AR: variants seen among roughly 807,000 people sequenced by gnomAD.
AR encodes the protein androgen receptor, also known as dihydrotestosterone receptor.
AR carries 8 observed loss-of-function variants against 53.9 expected under a neutral mutation model. The ratio of observed to expected loss-of-function variants is 0.15; its 90% confidence interval spans 0.09 to 0.27. The LOEUF is 0.27. AR is among the 10% of genes least tolerant of loss of function. AR has a pLI of 1.00. For missense variants in AR, 639 were observed against 742.5 expected (o/e 0.86, Z 1.62); for synonymous variants, 359 against 316.4 (o/e 1.13, Z -1.43).
intron 1 of AR, 59 bp downstream of exon 1, chrX:67,546,821 C>T (rs972819284): frequency 8.9e-7 from 1 of 1,129,086 alleles, no homozygotes; most frequent in African/African-American, 1.8e-5. Context: ...ACTCTGTGTT[C>T]TGGGGTATCT....
intron 2 of AR, among the ~76,000 whole-genome samples, chrX:67,649,929 T>C (rs1294163958): frequency 1.8e-5 from 2 of 111,941 alleles, no homozygotes; most frequent in Non-Finnish European, 3.8e-5. Flanking sequence ...GCTTTTGGTG[T>C]TTTAGCCATG....
chrX:67,606,269 T>C (rs985315463), intron 1 of AR, among the ~76,000 whole-genome samples: 3 of 111,203 alleles, frequency 2.7e-5, no homozygotes, highest in Non-Finnish European at 5.7e-5. Context: ...GCAGGCCTGT[T>C]AGGTTACAAA....
At chrX:67,707,212 G>A (rs763691864) in intron 3 of AR, among the ~76,000 whole-genome samples, 13 of 110,509 alleles carry the variant, frequency 1.2e-4, no homozygotes, top group Non-Finnish European at 1.9e-4. Flanking sequence ...TTTGTGTCTT[G>A]TTGATCTGTC....
chrX:67,720,732 C>T (rs985783934), intron 5 of AR, among the ~76,000 whole-genome samples: 2 of 111,124 alleles, frequency 1.8e-5, no homozygotes, highest in Non-Finnish European at 3.8e-5. Context: ...CAGGCCTGCT[C>T]ATCCTATGGA....
Position 67,725,586 on chromosome X carries a change from C to T in AR, c.*1745C>T, listed in dbSNP as rs904533151. 1.1e-5 allele frequency: 2 copies of T among 174,154 alleles called. No individual in the cohort carries two copies. Among genetic ancestry groups the T allele is most frequent in the Non-Finnish European group, 2.2e-5 (2 of 91,523 alleles). 14.4% of individuals were successfully genotyped at this position (174,154 alleles called of 1,213,427 possible). Reference sequence around the variant, plus strand: ...AGGAACAAAGAGGAGACTCTGACTACTGAATTAAAATCTTCAGCGGCAAAG... The same window carrying T: ...AGGAACAAAGAGGAGACTCTGACTATTGAATTAAAATCTTCAGCGGCAAAG... On this transcript the variant is annotated 3_prime_UTR_variant, in exon 8 of 8. Coordinates refer to ENST00000374690, the MANE Select transcript of AR (RefSeq NM_000044.6).
chrX:67,597,635 A>C (rs996562944), intron 1 of AR, among the ~76,000 whole-genome samples: 18 of 111,795 alleles, frequency 1.6e-4, no homozygotes, highest in African/African-American at 5.9e-4. Context: ...ATGCTACTGA[A>C]TGCAGAAAAT....
At chrX:67,603,065 C>G (rs1923454328) in intron 1 of AR, among the ~76,000 whole-genome samples, 1 of 111,179 alleles carries the variant, frequency 9.0e-6, no homozygotes, top group Non-Finnish European at 1.9e-5. Context: ...CTGATTCTCC[C>G]AGGCCTATAC....
At chrX:67,664,555 C>T (rs138394115) in intron 2 of AR, among the ~76,000 whole-genome samples, 4,824 of 112,080 alleles carry the variant, frequency 0.043, 124 homozygotes, top group Non-Finnish European at 0.071. Flanking sequence ...TTAGGCTACT[C>T]GGGGTTCAGG....
At position 67,623,628 on chromosome X, in the gene AR, C is replaced by T. The variant is rs765164840; in HGVS notation, c.1617-19628C>T. On this transcript the variant is annotated intron_variant, in intron 1 of 7. Transcript: ENST00000374690. Reference sequence around the variant, plus strand: ...ACTACAAAGAAAGCAGGAAGAAAGACTAATAAAGACTAAAAGGGAAATAAA... The same window carrying T: ...ACTACAAAGAAAGCAGGAAGAAAGATTAATAAAGACTAAAAGGGAAATAAA... 1.1e-4 allele frequency among the ~76,000 whole-genome samples: 12 copies of T among 109,462 alleles called. No homozygotes were observed. In the South Asian group the frequency reaches 4.3e-3, roughly 39 times the overall value.
chrX:67,601,063 A>T (rs886639367), intron 1 of AR, among the ~76,000 whole-genome samples: 1 of 112,274 alleles, frequency 8.9e-6, no homozygotes, highest in African/African-American at 3.2e-5. Flanking sequence ...AAATAAAATA[A>T]TACAAAGAGA....
intron 1 of AR, among the ~76,000 whole-genome samples, chrX:67,619,728 A>G (rs1157309794): frequency 1.8e-5 from 2 of 111,251 alleles, no homozygotes; most frequent in Non-Finnish European, 3.8e-5. Flanking sequence ...TAGTTTAGTA[A>G]CTGGGACGTA....
intron 1 of AR, among the ~76,000 whole-genome samples, chrX:67,631,271 G>T (rs1925087313): frequency 9.0e-6 from 1 of 111,483 alleles, no homozygotes; most frequent in Admixed American, 9.6e-5. Flanking sequence ...TCACTTTCAG[G>T]TACACCAATC....
At chrX:67,691,828 G>A (rs963163898) in intron 3 of AR, among the ~76,000 whole-genome samples, 2 of 111,615 alleles carry the variant, frequency 1.8e-5, no homozygotes, top group African/African-American at 6.5e-5. Flanking sequence ...GGTCTGCAAC[G>A]TTGTCATACA....
At chrX:67,672,595 T>C (rs777271343) in intron 2 of AR, among the ~76,000 whole-genome samples, 12 of 111,591 alleles carry the variant, frequency 1.1e-4, no homozygotes, top group Non-Finnish European at 1.9e-5. Context: ...GACAACACTC[T>C]ATCGCATAAA....
At chrX:67,586,220 T>C (rs1171576423) in intron 1 of AR, among the ~76,000 whole-genome samples, 1 of 111,965 alleles carries the variant, frequency 8.9e-6, no homozygotes, top group African/African-American at 3.2e-5. Flanking sequence ...TCCACCTCCA[T>C]ATAAGACCAT....
rs2076151435 is a variant in AR at position 67,724,725 on chromosome X, C to G, written c.*884C>G. The G allele has an allele frequency of 5.7e-6, 1 of 175,687 alleles. No homozygotes were observed. 14.5% of individuals were successfully genotyped at this position (175,687 alleles called of 1,213,427 possible). On this transcript the variant is annotated 3_prime_UTR_variant, in exon 8 of 8. Transcript: ENST00000374690. ...GCATGTTAATGCCTCACCCCCAAAC[C>G]CTTTTCTCTCTCACTCTCTGCCTCC...
In AR at chrX:67,544,089, G is replaced by A. The variant is rs1044719933; in HGVS notation, c.-1058G>A. ...CGGGACGGTCCGGAGCAAGCCCAGA[G>A]GCAGAGGAGGCGACAGAGGGAAAAA... On this transcript the variant is annotated 5_prime_UTR_variant, in exon 1 of 8. Coordinates refer to ENST00000374690, the MANE Select transcript of AR (RefSeq NM_000044.6). 4.7e-5 allele frequency: 8 copies of A among 170,450 alleles called. No homozygotes were observed. Among genetic ancestry groups the A allele is most frequent in the Admixed American group, 7.9e-5 (1 of 12,604 alleles). The allele number at this position is 170,450 out of a possible 1,213,427, so 14.0% of individuals were successfully genotyped here.
At chrX:67,630,257 T>G (rs1355941852) in intron 1 of AR, among the ~76,000 whole-genome samples, 2 of 111,141 alleles carry the variant, frequency 1.8e-5, no homozygotes, top group African/African-American at 6.6e-5. Flanking sequence ...CTCCCATTAT[T>G]AATGTGTGAG....
intron 2 of AR, 80 bp downstream of exon 2, chrX:67,643,487 G>A (rs1925896820): frequency 2.7e-6 from 3 of 1,110,783 alleles, no homozygotes; most frequent in Admixed American, 2.6e-5. Flanking sequence ...TCAGGGCCCA[G>A]GATTTTATCA....
Sources: allele counts gnomAD v4.1 joint callset (sites outside exome capture counted in the v4.1 genomes callset), GRCh38; gene constraint gnomAD v4.1.1; transcripts MANE v1.5; gene names NCBI Gene and HGNC (gene_info 2026-07-23, HGNC 2026-07-21).